The following ARHGAP15 variants were observed in gnomAD, a reference collection of about 807,000 sequenced individuals.
The protein encoded by ARHGAP15 is Rho GTPase activating protein 15.
ARHGAP15 carries 51 observed loss-of-function variants against 63.7 expected under a neutral mutation model. That is an observed-to-expected ratio of 0.80 (90% confidence interval 0.64 to 1.01). ARHGAP15 has a LOEUF of 1.01. Ranked by LOEUF, ARHGAP15 falls within the 50% of genes least tolerant of loss-of-function variation. The probability of loss-of-function intolerance (pLI) is 0.00; values close to 1 mark genes in which losing one functional copy is unlikely to be tolerated. For synonymous variants in ARHGAP15, 191 were observed against 193.8 expected, an observed-to-expected ratio of 0.99 and a Z score of 0.12; for missense variants, 560 against 564.6, an observed-to-expected ratio of 0.99 and a Z score of 0.08.
At chr2:143,241,147 T>C (rs552648727) in intron 5 of ARHGAP15, among the ~76,000 whole-genome samples, 1 of 152,332 alleles carries the variant, frequency 6.6e-6, no homozygotes, top group African/African-American at 2.4e-5. Context: ...TTATAGAGTA[T>C]ATGTATAGTC....
chr2:143,236,301 C>A (rs910493185), intron 5 of ARHGAP15: 1 of 200,184 alleles, frequency 5.0e-6, no homozygotes, highest in Non-Finnish European at 1.0e-5. Flanking sequence ...AGACAACATG[C>A]CATGGAACCA....
intron 12 of ARHGAP15, among the ~76,000 whole-genome samples, chr2:143,669,079 C>G (rs1272410203): frequency 6.6e-6 from 1 of 152,196 alleles, no homozygotes; most frequent in African/African-American, 2.4e-5. Context: ...TTAATTATAG[C>G]TAACATTGAT....
At chr2:143,418,301 T>C (rs1023310524) in intron 6 of ARHGAP15, among the ~76,000 whole-genome samples, 2 of 152,230 alleles carry the variant, frequency 1.3e-5, no homozygotes, top group Non-Finnish European at 2.9e-5. Context: ...TTGTAGTTTC[T>C]CTTTTGCTGA....
chr2:143,272,515 T>C (rs1302856444), intron 6 of ARHGAP15, among the ~76,000 whole-genome samples: 1 of 151,868 alleles, frequency 6.6e-6, no homozygotes, highest in East Asian at 1.9e-4. Flanking sequence ...TTGCCAGGTA[T>C]AGTGGTGGGC....
At chr2:143,741,837 T>C (rs1324149761) in intron 13 of ARHGAP15, among the ~76,000 whole-genome samples, 1 of 152,156 alleles carries the variant, frequency 6.6e-6, no homozygotes, top group Non-Finnish European at 1.5e-5. Context: ...ACATTTTTTT[T>C]CCAACCAGAT....
chr2:143,535,203 A>G (rs949092772), intron 10 of ARHGAP15, among the ~76,000 whole-genome samples: 3 of 152,114 alleles, frequency 2.0e-5, no homozygotes, highest in Non-Finnish European at 4.4e-5. Flanking sequence ...TTTGGATAAT[A>G]GCAACCACTC....
At chr2:143,455,325 G>A (rs1306561223) in intron 8 of ARHGAP15, among the ~76,000 whole-genome samples, 1 of 152,046 alleles carries the variant, frequency 6.6e-6, no homozygotes, top group Admixed American at 6.6e-5. Flanking sequence ...GGAGCAGTAA[G>A]GACGACCAAA....
chr2:143,184,417 T>A (rs181467243), intron 2 of ARHGAP15, among the ~76,000 whole-genome samples: 2 of 152,328 alleles, frequency 1.3e-5, no homozygotes, highest in East Asian at 3.9e-4. Context: ...CATTTCCATC[T>A]ATATCTTTGT....
chr2:143,687,562 A>G (rs59012734), intron 12 of ARHGAP15, among the ~76,000 whole-genome samples: 3,494 of 152,296 alleles, frequency 0.023, 134 homozygotes, highest in African/African-American at 0.079. Context: ...CCAGGAGAAG[A>G]TAGTGGCAAA....
chr2:143,289,677 G>A (rs1682291220), intron 6 of ARHGAP15, among the ~76,000 whole-genome samples: 1 of 152,140 alleles, frequency 6.6e-6, no homozygotes, highest in South Asian at 2.1e-4. Flanking sequence ...GTTCTGAGAT[G>A]TTTATATAAA....
intron 13 of ARHGAP15, among the ~76,000 whole-genome samples, chr2:143,764,268 G>A (rs2105556833): frequency 6.6e-6 from 1 of 152,208 alleles, no homozygotes; most frequent in African/African-American, 2.4e-5. Flanking sequence ...CCCCACGGTG[G>A]CCCAGTGGCT....
chr2:143,748,937 A>C (rs573264484), intron 13 of ARHGAP15, among the ~76,000 whole-genome samples: 2 of 152,142 alleles, frequency 1.3e-5, no homozygotes. Context: ...ACATCTTGTC[A>C]CTAAGGCAAA....
intron 12 of ARHGAP15, among the ~76,000 whole-genome samples, chr2:143,661,009 C>T (rs1681740647): frequency 6.6e-6 from 1 of 152,174 alleles, no homozygotes; most frequent in South Asian, 2.1e-4. Context: ...AACCCATGTT[C>T]TTGCCTTTTC....
chr2:143,342,984 G>T (rs1277442390), intron 6 of ARHGAP15, among the ~76,000 whole-genome samples: 1 of 151,892 alleles, frequency 6.6e-6, no homozygotes, highest in Non-Finnish European at 1.5e-5. Context: ...GTATTATTTT[G>T]CAAGTTGAGA....
intron 6 of ARHGAP15, among the ~76,000 whole-genome samples, chr2:143,337,350 A>G (rs1306359711): frequency 1.3e-5 from 2 of 152,170 alleles, no homozygotes; most frequent in Admixed American, 1.3e-4. Context: ...TTGAAGTTCA[A>G]TGGGAAGCCA....
intron 2 of ARHGAP15, among the ~76,000 whole-genome samples, chr2:143,178,315 A>T (rs1691088317): frequency 6.6e-6 from 1 of 152,254 alleles, no homozygotes; most frequent in South Asian, 2.1e-4. Context: ...GAAATACAAA[A>T]GTATTCAATT....
intron 12 of ARHGAP15, among the ~76,000 whole-genome samples, chr2:143,672,539 T>C (rs1318565512): frequency 1.3e-5 from 2 of 152,174 alleles, no homozygotes; most frequent in African/African-American, 4.8e-5. Flanking sequence ...ATTCCAAAAT[T>C]TAGCAAAACC....
intron 6 of ARHGAP15, among the ~76,000 whole-genome samples, chr2:143,300,776 A>T (rs915553787): frequency 6.6e-6 from 1 of 152,028 alleles, no homozygotes; most frequent in African/African-American, 2.4e-5. Context: ...CTCCAAATGC[A>T]AGGCAGGCTG....
At chr2:143,544,516 A>G (rs1303355481) in intron 10 of ARHGAP15, among the ~76,000 whole-genome samples, 2 of 152,230 alleles carry the variant, frequency 1.3e-5, no homozygotes, top group South Asian at 2.1e-4. Flanking sequence ...CACATAAAAT[A>G]GTTGGGAAAT....
Sources: gnomAD v4.1 joint callset for allele counts (sites outside exome capture counted in the v4.1 genomes callset) on GRCh38, gnomAD v4.1.1 for gene constraint, MANE v1.5 for transcripts, NCBI Gene and HGNC (gene_info 2026-07-23, HGNC 2026-07-21) for gene names.